Variants in DARS2 observed in about 807,000 individuals in gnomAD.
DARS2 encodes the protein aspartyl-tRNA synthetase 2, mitochondrial.
In DARS2, 63 loss-of-function variants were observed where a neutral mutation model predicts 83.0. That is an observed-to-expected ratio of 0.76 (90% confidence interval 0.62 to 0.94). The LOEUF is 0.94. DARS2 is among the 40% of genes least tolerant of loss of function. DARS2 has a pLI of 0.00. For synonymous variants in DARS2, 250 were observed against 269.3 expected, an observed-to-expected ratio of 0.93 and a Z score of 0.70; for missense variants, 675 against 774.4, an observed-to-expected ratio of 0.87 and a Z score of 1.52.
At chr1:173,857,327 C>T (rs1331471738) in intron 16 of DARS2, among the ~76,000 whole-genome samples, 191 bp from the exon 17 acceptor site, 1 of 152,100 alleles carries the variant, frequency 6.6e-6, no homozygotes, top group African/African-American at 2.4e-5. Context: ...GTCCTGAATA[C>T]TTTTCCAGAA....
At chr1:173,850,232 T>C (rs1206614627) in intron 12 of DARS2, 95 bp from the exon 13 acceptor site, 2 of 1,343,868 alleles carry the variant, frequency 1.5e-6, no homozygotes, top group South Asian at 1.4e-5. Context: ...TTCTCTTCTA[T>C]TGGGAACCGG....
In DARS2 at chr1:173,858,119, CAT is replaced by C. The variant is rs1346551754; in HGVS notation, c.*415_*416del. On this transcript the variant is annotated 3_prime_UTR_variant, in exon 17 of 17. Transcript: ENST00000649689. Reference sequence around the variant, plus strand: ...TAGTGAGTTGATGGAGCATTTGCTTCATCATCCTCATCAAGAGAATCATATAA... The same window carrying C: ...TAGTGAGTTGATGGAGCATTTGCTTCCATCCTCATCAAGAGAATCATATAA... 4.4e-6 allele frequency: 1 copy of C among 227,150 alleles called. No homozygotes were observed. The highest frequency in any genetic ancestry group is 2.3e-5 in the African/African-American group (1 of 43,874). The allele number at this position is 227,150 out of a possible 1,614,324, so 14.1% of individuals were successfully genotyped here. A position where few individuals can be genotyped will look rare whatever the true frequency, so the allele number is the denominator to read the frequency against.
intron 11 of DARS2, among the ~76,000 whole-genome samples, chr1:173,841,882 G>A (rs1161253365): frequency 6.6e-6 from 1 of 152,154 alleles, no homozygotes; most frequent in Non-Finnish European, 1.5e-5. Flanking sequence ...ATAATACGTA[G>A]TATTCTGTCT....
intron 15 of DARS2, among the ~76,000 whole-genome samples, chr1:173,855,533 G>C (rs1233528205): frequency 6.6e-6 from 1 of 152,176 alleles, no homozygotes; most frequent in Admixed American, 6.5e-5. Flanking sequence ...GCAATGGCAT[G>C]ATCATAACTT....
At chr1:173,830,080 T>TC (rs1652736967) in intron 3 of DARS2, among the ~76,000 whole-genome samples, 1 of 150,556 alleles carries the variant, frequency 6.6e-6, no homozygotes, top group South Asian at 2.1e-4. Flanking sequence ...ATACCCTGTG[T>TC]CAAAAAAAAA....
In DARS2 at chr1:173,835,025, G is replaced by A. The variant is rs1389660960; in HGVS notation, c.663+506G>A. On this transcript the variant is annotated intron_variant, in intron 7 of 16. Transcript: ENST00000649689. ...TCGAACACCTGACCTGAAATGATCC[G>A]CACACCTTGGCCTCCCAAAGTGCTG... 5.3e-5 allele frequency among the ~76,000 whole-genome samples: 8 copies of A among 151,680 alleles called. No individual in the cohort carries two copies. The South Asian group carries it at 6.2e-4, about 12-fold the overall frequency.
At chr1:173,845,819 T>A (rs1426289093) in intron 12 of DARS2, among the ~76,000 whole-genome samples, 1 of 152,030 alleles carries the variant, frequency 6.6e-6, no homozygotes, top group Non-Finnish European at 1.5e-5. Flanking sequence ...GTCAGGAGTT[T>A]GAGACCAATC....
In DARS2 at chr1:173,830,636, A is replaced by G. The variant is rs200649449; in HGVS notation, c.295-24A>G. On this transcript the variant is annotated intron_variant, in intron 3 of 16. Transcript: ENST00000649689. ...CCTGTAAGTTCATTTGTTTCTCAGA[A>G]CTCTTTTCCCCCTTGTTCTGTAGTC... The G allele has an allele frequency of 2.6e-4, 409 of 1,581,006 alleles. 1 individual carries two copies. The African/African-American group carries it at 4.2e-3, about 16-fold the overall frequency.
chr1:173,834,329 C>A, intron 6 of DARS2, 144 bp from the exon 7 acceptor site: 1 of 648,272 alleles, frequency 1.5e-6, no homozygotes. Flanking sequence ...TTGTAGAAAC[C>A]AGCACCAGTA....
rs969233837 is a variant in DARS2, at chr1:173,858,039, G to C, written c.*334G>C. 1.6e-5 allele frequency: 5 copies of C among 321,228 alleles called. No individual in the cohort carries two copies. The highest frequency in any genetic ancestry group is 2.4e-5 in the Non-Finnish European group (4 of 165,808). The allele number at this position is 321,228 out of a possible 1,614,324, so 19.9% of individuals were successfully genotyped here. On this transcript the variant is annotated 3_prime_UTR_variant, in exon 17 of 17. Coordinates refer to ENST00000649689, the MANE Select transcript of DARS2 (RefSeq NM_018122.5). Reference sequence around the variant, plus strand: ...CCCAGATAGTAGATTATTCACTTAGGACAGAGGTAATCAAATTATGTGTGA... The same window carrying C: ...CCCAGATAGTAGATTATTCACTTAGCACAGAGGTAATCAAATTATGTGTGA...
intron 1 of DARS2, among the ~76,000 whole-genome samples, chr1:173,825,617 C>T (rs1031222311): frequency 2.0e-5 from 3 of 151,696 alleles, no homozygotes; most frequent in Non-Finnish European, 4.4e-5. Context: ...TACAGGCGCC[C>T]GCGACCACGC....
chr1:173,851,840 A>C, intron 13 of DARS2: 1 of 985,344 alleles, frequency 1.0e-6, no homozygotes, highest in Non-Finnish European at 1.2e-6. Context: ...CCACAGAAAA[A>C]GTTTCAGAGT....
intron 12 of DARS2, among the ~76,000 whole-genome samples, chr1:173,845,669 A>G (rs568567187): frequency 6.6e-6 from 1 of 152,152 alleles, no homozygotes; most frequent in Non-Finnish European, 1.5e-5. Flanking sequence ...TCGAGGCTAC[A>G]GTGAGCTGAG....
intron 13 of DARS2, 132 bp downstream of exon 13, chr1:173,850,611 T>C: frequency 4.6e-6 from 5 of 1,091,376 alleles, no homozygotes; most frequent in Non-Finnish European, 5.1e-6. Context: ...AAATCTTTTT[T>C]TTTTTTTTTT....
At chr1:173,843,282 C>A (rs895450587) in intron 11 of DARS2, among the ~76,000 whole-genome samples, 3 of 152,028 alleles carry the variant, frequency 2.0e-5, no homozygotes, top group Admixed American at 6.6e-5. Flanking sequence ...GAATAAGGGC[C>A]AAGCGTGGTG....
intron 15 of DARS2, among the ~76,000 whole-genome samples, chr1:173,856,076 G>T (rs1345475313): frequency 1.3e-5 from 2 of 152,078 alleles, no homozygotes; most frequent in African/African-American, 4.8e-5. Flanking sequence ...CTACACATCA[G>T]ACCAACTGAA....
At chr1:173,831,926 T>A (rs1652809762) in intron 5 of DARS2, among the ~76,000 whole-genome samples, 1 of 152,216 alleles carries the variant, frequency 6.6e-6, no homozygotes, top group South Asian at 2.1e-4. Context: ...TTCGTTGCTA[T>A]TGTTTAACAT....
At chr1:173,853,764 C>G (rs577078892) in intron 14 of DARS2, 31 bp from the exon 15 acceptor site, 1 of 1,594,938 alleles carries the variant, frequency 6.3e-7, no homozygotes, top group South Asian at 1.1e-5. Context: ...CAGACATTTT[C>G]TCTAACATAA....
At position 173,837,028 on chromosome 1, in the gene DARS2, T is replaced by C; in HGVS notation, c.752T>C (p.Met251Thr). 6.2e-7 allele frequency: 1 copy of C among 1,613,954 alleles called. No homozygotes were observed. The highest frequency in any genetic ancestry group is 1.1e-5 in the South Asian group (1 of 91,082). The part of the protein sequence containing the change: ...QSPQQFKQLL[M>T]VGGLDRYFQV... ...CCTCAACAGTTTAAGCAACTTCTGA[T>C]GGTTGGCGGTTTAGACAGGTGAGCT... Residue 251 changes from methionine to threonine, a missense_variant, in exon 8 of 17, where the codon ATG becomes ACG. Physicochemically the swap from Met to Thr is moderately conservative, Grantham distance 81 (BLOSUM62 -1). Transcript: ENST00000649689.
Sources: allele counts gnomAD v4.1 joint callset (sites outside exome capture counted in the v4.1 genomes callset), GRCh38; gene constraint gnomAD v4.1.1; transcripts MANE v1.5; gene names NCBI Gene and HGNC (gene_info 2026-07-23, HGNC 2026-07-21).